The following UBAC2 variants were observed in gnomAD, a reference collection of about 807,000 sequenced individuals.
UBAC2 encodes ubiquitin-associated domain-containing protein 2.
A neutral mutation model predicts 44.0 loss-of-function variants in UBAC2; 26 were observed. That is an observed-to-expected ratio of 0.59 (90% CI 0.43 to 0.82). UBAC2 has a LOEUF of 0.82. Among genes scored for constraint, UBAC2 ranks in the 40% least tolerant of loss-of-function variants. UBAC2 has a pLI of 0.00. For missense variants in UBAC2, 329 were observed against 419.4 expected, an observed-to-expected ratio of 0.78 and a Z score of 1.88; for synonymous variants, 155 against 154.3, an observed-to-expected ratio of 1.00 and a Z score of -0.04.
chr13:99,383,532 C>T (rs1490850444), intron 8 of UBAC2, among the ~76,000 whole-genome samples: 1 of 152,252 alleles, frequency 6.6e-6, no homozygotes, highest in Non-Finnish European at 1.5e-5. Context: ...CATAGTGTCC[C>T]AGGTGCTGGG....
At chr13:99,323,697 A>G (rs1431666021) in intron 6 of UBAC2, among the ~76,000 whole-genome samples, 1 of 152,006 alleles carries the variant, frequency 6.6e-6, no homozygotes. Flanking sequence ...CTCCCTCTCT[A>G]TGCTACCTTT....
At chr13:99,261,793 C>T (rs926532226) in intron 4 of UBAC2, 2 of 152,402 alleles carry the variant, frequency 1.3e-5, no homozygotes, top group South Asian at 4.1e-4. Context: ...GAGCAGAACT[C>T]CATGGTTATT....
chr13:99,245,817 A>G (rs2043376726), intron 4 of UBAC2, among the ~76,000 whole-genome samples: 2 of 152,180 alleles, frequency 1.3e-5, no homozygotes, highest in South Asian at 2.1e-4. Flanking sequence ...CCTGGGTGAC[A>G]GAGTGAGACT....
chr13:99,248,583 G>A (rs574338159), intron 4 of UBAC2, among the ~76,000 whole-genome samples: 212 of 152,204 alleles, frequency 1.4e-3, no homozygotes, highest in Non-Finnish European at 2.3e-3. Flanking sequence ...GGGTTTCACC[G>A]TATTGGTCAG....
intron 7 of UBAC2, among the ~76,000 whole-genome samples, chr13:99,344,856 CAA>C (rs2044949425): frequency 6.6e-6 from 1 of 152,132 alleles, no homozygotes; most frequent in Admixed American, 6.5e-5. Context: ...GCTGTGGGCA[CAA>C]AATAAATGAA....
intron 4 of UBAC2, among the ~76,000 whole-genome samples, chr13:99,300,377 A>G (rs972182921): frequency 2.0e-5 from 3 of 152,230 alleles, no homozygotes; most frequent in Non-Finnish European, 4.4e-5. Flanking sequence ...TGATTCCGCT[A>G]GCTGGCCCTA....
chr13:99,255,854 G>A (rs369303917), intron 4 of UBAC2: 1 of 1,587,614 alleles, frequency 6.3e-7, no homozygotes, highest in Admixed American at 1.8e-5. Flanking sequence ...GGTTGATCTT[G>A]ATTGTTCAGG....
chr13:99,203,825 G>C (rs942773671), intron 1 of UBAC2, among the ~76,000 whole-genome samples: 1 of 152,220 alleles, frequency 6.6e-6, no homozygotes, highest in Non-Finnish European at 1.5e-5. Context: ...GAAGGAGCAA[G>C]CCATATCAGA....
chr13:99,244,549 T>C lies in UBAC2; in HGVS notation c.314T>C (p.Leu105Ser). The change falls in exon 4 of 9, where the codon TTA (leucine) becomes TCA (serine). Residue 105 changes from leucine to serine, a missense_variant. By Grantham distance (145) the Leu-to-Ser change is moderately radical (BLOSUM62 -2). Transcript: ENST00000403766. ...CTGGGTTCCTGGGTTTTGTCAGCCT[T>C]ATTTGACTTTCTCCTCATTGAAGCT... ...FLLGSWVLSA[L>S]FDFLLIEAMQ... The C allele has an allele frequency of 1.2e-6, 2 of 1,613,500 alleles. No individual in the cohort carries two copies. Among genetic ancestry groups the C allele is most frequent in the South Asian group, 1.1e-5 (1 of 91,066 alleles).
Position 99,318,098 on chromosome 13 carries a change from TTCTC to T in UBAC2, c.561+38_561+41del, listed in dbSNP as rs762513032. 6.0e-5 allele frequency: 95 copies of T among 1,585,716 alleles called. No homozygotes were observed. The African/African-American group carries it at 1.0e-3, about 17-fold the overall frequency. On this transcript the variant is annotated intron_variant, in intron 6 of 8. Coordinates refer to ENST00000403766, the MANE Select transcript of UBAC2 (RefSeq NM_001144072.2). ...AGTGTGACTACCCTTTTACACCCAA[TTCTC>T]TCTCTCTCCTGTAAAAACATTAGGA...
At chr13:99,345,188 G>A (rs1566513258) in intron 7 of UBAC2, among the ~76,000 whole-genome samples, 1 of 152,168 alleles carries the variant, frequency 6.6e-6, no homozygotes, top group African/African-American at 2.4e-5. Context: ...TGACATGTGG[G>A]CAGATATGTA....
chr13:99,216,385 G>A (rs1443650042), intron 1 of UBAC2, among the ~76,000 whole-genome samples: 1 of 152,212 alleles, frequency 6.6e-6, no homozygotes, highest in Non-Finnish European at 1.5e-5. Flanking sequence ...GATTACAGGT[G>A]TGAGCCACCG....
rs1316892331 is a variant in UBAC2 at position 99,386,366 on chromosome 13, G to A, written c.*1031G>A. On this transcript the variant is annotated 3_prime_UTR_variant, in exon 9 of 9. Coordinates refer to ENST00000403766, the MANE Select transcript of UBAC2 (RefSeq NM_001144072.2). ...TGTTATGTTCTGCAAAATGAGCAAC[G>A]ATGTATCAAATTGATGCAAATTTAG... 2.6e-5 allele frequency: 4 copies of A among 152,240 alleles called. No homozygotes were observed. In the East Asian group the frequency reaches 7.7e-4, roughly 29 times the overall value. The allele number at this position is 152,240 out of a possible 1,614,324, so 9.4% of individuals were successfully genotyped here.
At chr13:99,323,419 G>T (rs1420263763) in intron 6 of UBAC2, among the ~76,000 whole-genome samples, 1 of 152,106 alleles carries the variant, frequency 6.6e-6, no homozygotes, top group Non-Finnish European at 1.5e-5. Context: ...TGGCCAACAT[G>T]GCAAAACCCT....
chr13:99,338,948 C>A (rs2044842585), intron 6 of UBAC2, among the ~76,000 whole-genome samples: 1 of 152,196 alleles, frequency 6.6e-6, no homozygotes, highest in Non-Finnish European at 1.5e-5. Context: ...TCTGTCTGTC[C>A]ATAGAATATT....
chr13:99,205,439 A>T (rs754408457), intron 1 of UBAC2, among the ~76,000 whole-genome samples: 28 of 152,316 alleles, frequency 1.8e-4, no homozygotes, highest in Non-Finnish European at 3.5e-4. Flanking sequence ...TCCCAGCTGC[A>T]AAAAAATCAA....
intron 4 of UBAC2, among the ~76,000 whole-genome samples, chr13:99,253,813 C>T (rs1302012518): frequency 6.6e-6 from 1 of 152,228 alleles, no homozygotes; most frequent in Admixed American, 6.5e-5. Context: ...CACGCCCAGC[C>T]AGAAATAAAT....
At chr13:99,235,660 G>T (rs2043224594) in intron 1 of UBAC2, among the ~76,000 whole-genome samples, 1 of 152,184 alleles carries the variant, frequency 6.6e-6, no homozygotes, top group Non-Finnish European at 1.5e-5. Context: ...ATACAATGGA[G>T]AAACGACAGT....
At chr13:99,330,189 G>A (rs1345922436) in intron 6 of UBAC2, among the ~76,000 whole-genome samples, 1 of 151,926 alleles carries the variant, frequency 6.6e-6, no homozygotes, top group African/African-American at 2.4e-5. Flanking sequence ...GGCTGGGTGT[G>A]GTGGCTCACA....
Sources: gnomAD v4.1 joint callset for allele counts (sites outside exome capture counted in the v4.1 genomes callset) on GRCh38, gnomAD v4.1.1 for gene constraint, MANE v1.5 for transcripts, NCBI Gene and HGNC (gene_info 2026-07-23, HGNC 2026-07-21) for gene names.